Variants in GRIP1 observed in about 807,000 individuals in gnomAD.
GRIP1 encodes the protein glutamate receptor interacting protein 1.
In GRIP1, 45 loss-of-function variants were observed where a neutral mutation model predicts 129.9. The observed-to-expected ratio is 0.35, with a 90% CI of 0.27 to 0.44. The LOEUF is 0.44. GRIP1 is among the 20% of genes least tolerant of loss of function. The probability of loss-of-function intolerance (pLI) is 1.00; values close to 1 mark genes in which losing one functional copy is unlikely to be tolerated. For missense variants in GRIP1, 1,196 were observed against 1,396.8 expected (o/e 0.86, Z 2.29); for synonymous variants, 530 against 520.8 (o/e 1.02, Z -0.24).
intron 5 of GRIP1, among the ~76,000 whole-genome samples, chr12:66,528,134 G>GTTTTTTTTTTTT (rs59443918): frequency 0.024 from 2,397 of 98,622 alleles, 213 homozygotes; most frequent in African/African-American, 0.1. Context: ...GAATTAGTAG[G>GTTTTTTTTTTTT]TTTTTTTTTT....
At chr12:66,756,946 T>C (rs2136647743) in intron 1 of GRIP1, among the ~76,000 whole-genome samples, 1 of 152,320 alleles carries the variant, frequency 6.6e-6, no homozygotes, top group East Asian at 1.9e-4. Context: ...CAGAAACTTC[T>C]TTAATTTTTA....
intron 11 of GRIP1, among the ~76,000 whole-genome samples, 196 bp from the exon 12 acceptor site, chr12:66,445,704 A>C (rs2058603307): frequency 1.3e-5 from 2 of 152,208 alleles, no homozygotes; most frequent in Admixed American, 1.3e-4. Context: ...TAATAACATC[A>C]GTGTATCCCT....
At chr12:66,866,123 T>G (rs1027345624) in intron 1 of GRIP1, among the ~76,000 whole-genome samples, 1 of 152,116 alleles carries the variant, frequency 6.6e-6, no homozygotes, top group African/African-American at 2.4e-5. Context: ...TATCATCATA[T>G]GAAGAAAAGC....
intron 1 of GRIP1, among the ~76,000 whole-genome samples, chr12:66,888,076 G>A (rs549195159): frequency 6.6e-6 from 1 of 152,022 alleles, no homozygotes; most frequent in South Asian, 2.1e-4. Context: ...ATTTTATTTT[G>A]AGACAGGGTC....
chr12:66,552,915 T>A (rs116451428), intron 2 of GRIP1, among the ~76,000 whole-genome samples: 1 of 152,112 alleles, frequency 6.6e-6, no homozygotes, highest in East Asian at 1.9e-4. Context: ...GGAGAAGCCA[T>A]GGGCCTGCTG....
In GRIP1 at chr12:66,905,354, C is replaced by T. The variant is rs148913626; in HGVS notation, c.58+163696G>A. 1.1e-3 allele frequency among the ~76,000 whole-genome samples: 169 copies of T among 151,662 alleles called. 1 individual carries two copies. Among genetic ancestry groups the T allele is most frequent in the African/African-American group, 3.9e-3 (162 of 41,410 alleles). On this transcript the variant is annotated intron_variant, in intron 1 of 1. Transcript: ENST00000643019. ...TGTTTGTGTTTGTGAGGTGTGAGTGCCTAGTGCCTAGATAGAGATGATAGA... is the reference window on the plus strand; with the variant it reads ...TGTTTGTGTTTGTGAGGTGTGAGTGTCTAGTGCCTAGATAGAGATGATAGA...
chr12:66,436,388 A>G (rs1307453334), intron 13 of GRIP1, among the ~76,000 whole-genome samples: 1 of 152,200 alleles, frequency 6.6e-6, no homozygotes, highest in Non-Finnish European at 1.5e-5. Context: ...TTTCCAGAAC[A>G]AAGATATATA....
At chr12:66,583,450 T>A (rs1313068327) in intron 2 of GRIP1, among the ~76,000 whole-genome samples, 3 of 135,174 alleles carry the variant, frequency 2.2e-5, no homozygotes, top group Non-Finnish European at 4.8e-5. Flanking sequence ...CAAAAGAAAC[T>A]ACCATCAGAG....
intron 1 of GRIP1, among the ~76,000 whole-genome samples, chr12:66,694,894 T>C (rs988985167): frequency 6.6e-6 from 1 of 152,196 alleles, no homozygotes; most frequent in African/African-American, 2.4e-5. Context: ...GCAGAGCTAG[T>C]TGCAGGCTGA....
chr12:66,385,073 G>A (rs1030832634), intron 19 of GRIP1, among the ~76,000 whole-genome samples: 3 of 152,088 alleles, frequency 2.0e-5, no homozygotes, highest in Non-Finnish European at 2.9e-5. Context: ...CAGCCCAGGC[G>A]TAAGAAAAAA....
At chr12:66,406,169 A>C (rs2057184049) in intron 16 of GRIP1, 114 bp downstream of exon 16, 9 of 1,009,870 alleles carry the variant, frequency 8.9e-6, no homozygotes, top group Non-Finnish European at 6.1e-6. Context: ...TAGCTGTGAA[A>C]CACTGCTGCC....
intron 1 of GRIP1, among the ~76,000 whole-genome samples, chr12:66,946,358 T>C (rs1015130408): frequency 1.3e-5 from 2 of 152,166 alleles, no homozygotes; most frequent in African/African-American, 4.8e-5. Context: ...TTGCAGACTA[T>C]CCTTAAAAAT....
rs1342258243 is a variant in GRIP1 at position 66,519,312 on chromosome 12, T to A, written c.503-1336A>T. Among the ~76,000 whole-genome samples, 3 of 152,336 alleles carry A rather than the reference T, an allele frequency of 2.0e-5. No homozygotes were observed. In the East Asian group the frequency reaches 5.8e-4, roughly 29 times the overall value. Reference sequence around the variant, plus strand: ...AGAAATTCCTCTTTAAAATAAGAAATTCACCACTTTCTCAGAAAAAAATTT... The same window carrying A: ...AGAAATTCCTCTTTAAAATAAGAAAATCACCACTTTCTCAGAAAAAAATTT... On this transcript the variant is annotated intron_variant, in intron 5 of 24. Transcript: ENST00000359742.
chr12:66,788,020 G>A (rs544978602), intron 1 of GRIP1, among the ~76,000 whole-genome samples: 2 of 152,068 alleles, frequency 1.3e-5, no homozygotes, highest in South Asian at 2.1e-4. Context: ...GGTTCCAGGG[G>A]TGGGGAAGTG....
intron 7 of GRIP1, among the ~76,000 whole-genome samples, chr12:66,482,095 A>G (rs2059822814): frequency 6.6e-6 from 1 of 152,164 alleles, no homozygotes; most frequent in Non-Finnish European, 1.5e-5. Flanking sequence ...CTTAAAGTAT[A>G]ATAAGAATAA....
At chr12:66,908,665 A>G (rs908149760) in intron 1 of GRIP1, among the ~76,000 whole-genome samples, 2 of 152,198 alleles carry the variant, frequency 1.3e-5, no homozygotes, top group East Asian at 1.9e-4. Flanking sequence ...AAATATTTTA[A>G]TGGAAGATGT....
At chr12:66,764,936 G>A (rs1442975422) in intron 1 of GRIP1, among the ~76,000 whole-genome samples, 1 of 152,174 alleles carries the variant, frequency 6.6e-6, no homozygotes, top group Non-Finnish European at 1.5e-5. Flanking sequence ...ACTGTTCTAA[G>A]TGCTTTATGT....
intron 1 of GRIP1, among the ~76,000 whole-genome samples, chr12:66,729,463 G>A (rs1297957060): frequency 6.6e-6 from 1 of 152,100 alleles, no homozygotes; most frequent in East Asian, 1.9e-4. Flanking sequence ...TTTTTCAAAA[G>A]TAAATCTAGA....
intron 1 of GRIP1, among the ~76,000 whole-genome samples, chr12:66,727,528 C>T (rs2036294533): frequency 6.6e-6 from 1 of 152,124 alleles, no homozygotes; most frequent in Admixed American, 6.5e-5. Context: ...CCCAGTCATC[C>T]CACAGACCCA....
Sources: allele counts gnomAD v4.1 joint callset (sites outside exome capture counted in the v4.1 genomes callset), GRCh38; gene constraint gnomAD v4.1.1; transcripts MANE v1.5; gene names NCBI Gene and HGNC (gene_info 2026-07-23, HGNC 2026-07-21).